The following LDB2 variants were observed in gnomAD, a reference collection of about 807,000 sequenced individuals.
LDB2 encodes the protein LIM domain-binding protein 2.
Under a neutral mutation model 44.3 loss-of-function variants are expected in LDB2, and 12 were observed. The ratio of observed to expected loss-of-function variants is 0.27; its 90% CI spans 0.17 to 0.44. The LOEUF is 0.44. LDB2 is among the 20% of genes least tolerant of loss of function. The probability of loss-of-function intolerance (pLI) is 1.00; values close to 1 mark genes in which losing one functional copy is unlikely to be tolerated. For missense variants in LDB2, 344 were observed against 473.5 expected (o/e 0.73, Z 2.54); for synonymous variants, 164 against 174.8 (o/e 0.94, Z 0.49).
chr4:16,754,528 T>C (rs1203925320), intron 2 of LDB2, among the ~76,000 whole-genome samples: 2 of 145,994 alleles, frequency 1.4e-5, no homozygotes. Context: ...TGGCAGTATT[T>C]TTTTTTTTTT....
intron 2 of LDB2, among the ~76,000 whole-genome samples, chr4:16,649,574 G>C (rs1187245090): frequency 6.6e-6 from 1 of 152,128 alleles, no homozygotes; most frequent in Non-Finnish European, 1.5e-5. Context: ...CAGAAATCTT[G>C]GGAGCTACCG....
intron 1 of LDB2, among the ~76,000 whole-genome samples, chr4:16,876,040 C>G (rs1247770775): frequency 6.6e-6 from 1 of 152,194 alleles, no homozygotes; most frequent in Non-Finnish European, 1.5e-5. Context: ...GGGCCATGTC[C>G]CATGTCCCTG....
In LDB2 at chr4:16,586,548, CACATAT is replaced by C. The variant is rs1560554899; in HGVS notation, c.532-549_532-544del. On this transcript the variant is annotated intron_variant, in intron 4 of 7. Transcript: ENST00000304523. Reference sequence around the variant, plus strand: ...CACAAAACACACACACACACACACACACATATATATGGAGAGACAGAATTCTCACTC... The same window carrying C: ...CACAAAACACACACACACACACACACATATGGAGAGACAGAATTCTCACTC... 2.6e-3 allele frequency among the ~76,000 whole-genome samples: 354 copies of C among 134,770 alleles called. 1 individual carries two copies. Among genetic ancestry groups the C allele is most frequent in the Non-Finnish European group, 3.2e-3 (190 of 60,104 alleles). The allele number at this position is 134,770 out of a possible 152,430, so 88.4% of individuals were successfully genotyped here. A position where few individuals can be genotyped will look rare whatever the true frequency, so the allele number is the denominator to read the frequency against.
chr4:16,725,159 T>C (rs970548378), intron 2 of LDB2, among the ~76,000 whole-genome samples: 2 of 152,098 alleles, frequency 1.3e-5, no homozygotes, highest in Non-Finnish European at 1.5e-5. Context: ...TTCACTGACA[T>C]GAAACTGAGT....
chr4:16,565,918 A>G (rs1367454650), intron 5 of LDB2, among the ~76,000 whole-genome samples: 1 of 152,072 alleles, frequency 6.6e-6, no homozygotes, highest in African/African-American at 2.4e-5. Flanking sequence ...AAATATGTAC[A>G]TATATATGTC....
intron 2 of LDB2, among the ~76,000 whole-genome samples, chr4:16,669,500 A>G (rs1744188154): frequency 6.6e-6 from 1 of 152,222 alleles, no homozygotes; most frequent in Non-Finnish European, 1.5e-5. Flanking sequence ...TAAAAGATAA[A>G]TGGAGGGAGT....
chr4:16,859,735 T>G (rs1711854190), intron 1 of LDB2, among the ~76,000 whole-genome samples: 1 of 152,122 alleles, frequency 6.6e-6, no homozygotes, highest in Admixed American at 6.5e-5. Flanking sequence ...GGCCACACAA[T>G]CACAGTACCA....
intron 2 of LDB2, among the ~76,000 whole-genome samples, chr4:16,679,165 G>A (rs1747137715): frequency 6.6e-6 from 1 of 152,166 alleles, no homozygotes; most frequent in Non-Finnish European, 1.5e-5. Flanking sequence ...TTATTCATAT[G>A]TGCAAGAACT....
intron 2 of LDB2, among the ~76,000 whole-genome samples, chr4:16,704,801 C>T (rs1209434440): frequency 2.0e-5 from 3 of 152,188 alleles, no homozygotes; most frequent in Admixed American, 6.5e-5. Flanking sequence ...CTTCCCTCCA[C>T]GTGGAAGCCA....
chr4:16,675,108 G>A (rs908925316), intron 2 of LDB2, among the ~76,000 whole-genome samples: 7 of 152,196 alleles, frequency 4.6e-5, no homozygotes, highest in African/African-American at 1.4e-4. Context: ...TGAGATAATG[G>A]TAGGTTTAAA....
chr4:16,700,645 C>A (rs1753228414), intron 2 of LDB2, among the ~76,000 whole-genome samples: 1 of 152,080 alleles, frequency 6.6e-6, no homozygotes, highest in East Asian at 1.9e-4. Context: ...GAAGCCAGAC[C>A]CTGTGGTGAG....
intron 2 of LDB2, among the ~76,000 whole-genome samples, chr4:16,616,624 CTG>C (rs1727408468): frequency 6.6e-6 from 1 of 152,090 alleles, no homozygotes; most frequent in Non-Finnish European, 1.5e-5. Context: ...CCAAGAGAAA[CTG>C]TGTTTCCTAA....
At chr4:16,602,911 C>G (rs1722948286) in intron 2 of LDB2, among the ~76,000 whole-genome samples, 1 of 152,138 alleles carries the variant, frequency 6.6e-6, no homozygotes, top group Admixed American at 6.5e-5. Flanking sequence ...CCTGTTTCCC[C>G]ATTGTCTGAC....
At chr4:16,750,525 T>C (rs1175555294) in intron 2 of LDB2, among the ~76,000 whole-genome samples, 2 of 152,190 alleles carry the variant, frequency 1.3e-5, no homozygotes, top group Non-Finnish European at 2.9e-5. Flanking sequence ...TGTCTGGAAA[T>C]AAACAGAAGC....
intron 3 of LDB2, 83 bp downstream of exon 3, chr4:16,595,620 G>T: frequency 7.6e-7 from 1 of 1,310,842 alleles, no homozygotes; most frequent in Non-Finnish European, 1.1e-6. Context: ...TCGGCCCCAG[G>T]TTCCATAGGA....
chr4:16,617,669 T>C lies in LDB2; in HGVS notation c.236-21794A>G, dbSNP rs558052165. 1.2e-4 allele frequency among the ~76,000 whole-genome samples: 18 copies of C among 152,292 alleles called. No individual in the cohort carries two copies. The South Asian group carries it at 3.7e-3, about 32-fold the overall frequency. On this transcript the variant is annotated intron_variant, in intron 2 of 7. Coordinates refer to ENST00000304523, the MANE Select transcript of LDB2 (RefSeq NM_001290.5). ...TAAGAGCTACACATGGAAGGTTTTG[T>C]AACTGTTTAGATCCTGCACTGTGTC...
At chr4:16,837,769 C>T (rs1785136272) in intron 1 of LDB2, among the ~76,000 whole-genome samples, 1 of 152,208 alleles carries the variant, frequency 6.6e-6, no homozygotes, top group African/African-American at 2.4e-5. Context: ...TCAGTGCAGT[C>T]AAATTTACTA....
chr4:16,765,395 C>A (rs1032065726), intron 1 of LDB2, among the ~76,000 whole-genome samples: 6 of 152,214 alleles, frequency 3.9e-5, no homozygotes. Flanking sequence ...CAATGTCCAG[C>A]AAATGCCAAG....
At chr4:16,515,505 A>G (rs1308065814) in intron 5 of LDB2, among the ~76,000 whole-genome samples, 1 of 152,218 alleles carries the variant, frequency 6.6e-6, no homozygotes. Flanking sequence ...CCAAGCCATC[A>G]GTGCTCACCA....
Sources: gnomAD v4.1 joint callset for allele counts (sites outside exome capture counted in the v4.1 genomes callset) on GRCh38, gnomAD v4.1.1 for gene constraint, MANE v1.5 for transcripts, NCBI Gene and HGNC (gene_info 2026-07-23, HGNC 2026-07-21) for gene names.